Variants in AMDHD2 observed in about 807,000 individuals in gnomAD.
AMDHD2 encodes amidohydrolase domain containing 2.
Under a neutral mutation model 41.8 loss-of-function variants are expected in AMDHD2, and 24 were observed. The ratio of observed to expected loss-of-function variants is 0.57; its 90% CI spans 0.42 to 0.81. The LOEUF (loss-of-function observed/expected upper bound fraction) is 0.81, where lower values mean the gene tolerates loss of function less well. Among genes scored for constraint, AMDHD2 ranks in the 30% least tolerant of loss-of-function variants. AMDHD2 has a pLI of 0.00. For missense variants in AMDHD2, 540 were observed against 588.5 expected (o/e 0.92, Z 0.85); for synonymous variants, 332 against 255.5 (o/e 1.30, Z -2.85).
chr16:2,528,075 AC>A lies in AMDHD2; in HGVS notation c.646del (p.Leu216CysfsTer36), dbSNP rs2066028782. 2 of 1,612,844 alleles carry A rather than the reference AC, an allele frequency of 1.2e-6. No homozygotes were observed. The highest frequency in any genetic ancestry group is 8.5e-7 in the Non-Finnish European group (1 of 1,179,860). On this transcript the variant is annotated frameshift_variant, in exon 6 of 11. Transcript: ENST00000293971. LOFTEE classifies it high-confidence loss of function. ...ICVSLGHSVA[D>X]LRAAEDAVWS... is the part of the protein sequence containing the mutation. ...GGTCCCGCAGGGCACTCAGTGGCTG[AC>A]CTGCGGGCGGCAGAGGATGCTGTGT...
chr16:2,526,673 C>A (rs962884267), intron 3 of AMDHD2, among the ~76,000 whole-genome samples: 1 of 151,758 alleles, frequency 6.6e-6, no homozygotes, highest in Non-Finnish European at 1.5e-5. Context: ...CATGGTGGCT[C>A]ACGCCTGTAA....
chr16:2,520,639 G>A (rs1403418491), intron 1 of AMDHD2, 98 bp downstream of exon 1: 3 of 1,139,104 alleles, frequency 2.6e-6, no homozygotes, highest in Middle Eastern at 3.4e-4. Context: ...GCCGGGGACA[G>A]GGCGGGGTGC....
intron 3 of AMDHD2, among the ~76,000 whole-genome samples, chr16:2,521,660 G>A (rs1327408053): frequency 6.6e-6 from 1 of 151,448 alleles, no homozygotes; most frequent in Non-Finnish European, 1.5e-5. Context: ...AGGTTCTACA[G>A]GGTTAACTTT....
At position 2,520,795 on chromosome 16, in the gene AMDHD2, G is replaced by T. The variant is rs754498691; in HGVS notation, c.110G>T (p.Arg37Leu). 1.2e-6 allele frequency: 2 copies of T among 1,606,030 alleles called. No homozygotes were observed. The highest frequency in any genetic ancestry group is 1.1e-5 in the South Asian group (1 of 90,778). ...GAGGATCTGTGGGTGCGCGGAGGCCGCATCTTGGACCCAGAGAAGCTGTTC... is the reference window on the plus strand; with the variant it reads ...GAGGATCTGTGGGTGCGCGGAGGCCTCATCTTGGACCCAGAGAAGCTGTTC... ...LREDLWVRGGRILDPEKLFFE... is the reference protein window; with the variant it reads ...LREDLWVRGGLILDPEKLFFE... Residue 37 changes from arginine (R) to leucine (L), a missense_variant, in exon 2 of 11, where the codon CGC (arginine) becomes CTC (leucine). By Grantham distance (102) the Arg-to-Leu change is moderately radical. Transcript: ENST00000293971.
chr16:2,522,843 A>AC (rs906784998), intron 3 of AMDHD2, among the ~76,000 whole-genome samples: 1 of 141,946 alleles, frequency 7.0e-6, no homozygotes, highest in African/African-American at 2.8e-5. Context: ...TTAGTACTTA[A>AC]CTTTTTTTTT....
At position 2,527,424 on chromosome 16, in the gene AMDHD2, C is replaced by T; in HGVS notation, c.361-137C>T. 2.3e-6 allele frequency: 2 copies of T among 871,458 alleles called. No homozygotes were observed. The highest frequency in any genetic ancestry group is 1.8e-6 in the Non-Finnish European group (1 of 546,912). The allele number at this position is 871,458 out of a possible 1,614,324, so 54.0% of individuals were successfully genotyped here. On this transcript the variant is annotated intron_variant, in intron 3 of 10. Transcript: ENST00000293971. The surrounding 1 kb of genome is among the most constrained non-coding windows in gnomAD (Gnocchi z 6.1). ...CTGCCGGCTGTGCTTTCCCTGACCC[C>T]TGTGAGGGGACAGGCGGCCGGGGCT...
rs2066086446 is a variant in AMDHD2 at position 2,530,958 on chromosome 16, G to A, written c.*1395G>A. ...TGCCTGTGCTGGGCCTGGGAGAGGAGCTGTCTTGCCAGGGCTCCCAGGCAG... is the reference window on the plus strand; with the variant it reads ...TGCCTGTGCTGGGCCTGGGAGAGGAACTGTCTTGCCAGGGCTCCCAGGCAG... On this transcript the variant is annotated 3_prime_UTR_variant, in exon 11 of 11. Transcript: ENST00000293971. 1.2e-6 allele frequency: 2 copies of A among 1,613,522 alleles called. No individual in the cohort carries two copies. The highest frequency in any genetic ancestry group is 1.7e-6 in the Non-Finnish European group (2 of 1,179,956).
At position 2,520,660 on chromosome 16, in the gene AMDHD2, G is replaced by A. The variant is rs1388412666; in HGVS notation, c.84-109G>A. On this transcript the variant is annotated intron_variant, in intron 1 of 10. Coordinates refer to ENST00000293971, the MANE Select transcript of AMDHD2 (RefSeq NM_001330449.2). The stretch of plus-strand genomic sequence containing the variant: ...GACAGGGCGGGGTGCAGGGTGCGGG[G>A]CCGGGGACCGGGCGGGGTGCAGGGT... 1.2e-5 allele frequency: 15 copies of A among 1,292,098 alleles called. No homozygotes were observed. The African/African-American group carries it at 2.0e-4, about 17-fold the overall frequency. 80.0% of individuals were successfully genotyped at this position (1,292,098 alleles called of 1,614,324 possible).
Position 2,521,128 on chromosome 16 carries a change from G to C in AMDHD2, c.360+5G>C. The C allele has an allele frequency of 6.4e-7, 1 of 1,564,982 alleles. No homozygotes were observed. Among genetic ancestry groups the C allele is most frequent in the Non-Finnish European group, 8.7e-7 (1 of 1,149,148 alleles). On this transcript the variant is annotated splice_donor_5th_base_variant and intron_variant, in intron 3 of 10. Coordinates refer to ENST00000293971, the MANE Select transcript of AMDHD2 (RefSeq NM_001330449.2). ...CCACCGGAGGTTTATCACAAGGTGAGGTGAGGCTCCCTGGCTGAGGTGGAG... is the reference window on the plus strand; with the variant it reads ...CCACCGGAGGTTTATCACAAGGTGACGTGAGGCTCCCTGGCTGAGGTGGAG...
At chr16:2,526,092 C>T (rs1045807710) in intron 3 of AMDHD2, among the ~76,000 whole-genome samples, 1 of 152,206 alleles carries the variant, frequency 6.6e-6, no homozygotes, top group African/African-American at 2.4e-5. Flanking sequence ...GTGGTCTCTG[C>T]TTCCCTGCCT....
At chr16:2,521,305 T>G (rs946305665) in intron 3 of AMDHD2, among the ~76,000 whole-genome samples, 182 bp downstream of exon 3, 1 of 151,454 alleles carries the variant, frequency 6.6e-6, no homozygotes, top group African/African-American at 2.4e-5. Context: ...GTTGTCGCTC[T>G]GCCTGGCCTC....
chr16:2,525,631 G>A (rs111362761), intron 3 of AMDHD2, among the ~76,000 whole-genome samples: 2,933 of 152,196 alleles, frequency 0.019, 96 homozygotes, highest in African/African-American at 0.066. Flanking sequence ...TGCAAGCTCC[G>A]CCTCCCAGGT....
rs767820795 is a variant in AMDHD2, at chr16:2,529,987, G to T, written c.*424G>T. 2 of 739,274 alleles carry T rather than the reference G, an allele frequency of 2.7e-6. No homozygotes were observed. Among genetic ancestry groups the T allele is most frequent in the East Asian group, 2.8e-5 (1 of 36,266 alleles). The allele number at this position is 739,274 out of a possible 1,614,324, so 45.8% of individuals were successfully genotyped here. On this transcript the variant is annotated 3_prime_UTR_variant, in exon 11 of 11. Coordinates refer to ENST00000293971, the MANE Select transcript of AMDHD2 (RefSeq NM_001330449.2). ...GGGGTGAAGCCACCATGGGCTGGGGGTGAAGAGCCGGCAGGAAGGGGACCA... is the reference window on the plus strand; with the variant it reads ...GGGGTGAAGCCACCATGGGCTGGGGTTGAAGAGCCGGCAGGAAGGGGACCA...
rs766257150 is a variant in AMDHD2 at position 2,530,882 on chromosome 16, CA to C, written c.*1320del. On this transcript the variant is annotated 3_prime_UTR_variant, in exon 11 of 11. Coordinates refer to ENST00000293971, the MANE Select transcript of AMDHD2 (RefSeq NM_001330449.2). Reference sequence around the variant, plus strand: ...GAGAGGTGTGAGGTGCAGGGATACCCACCTCTGCCTTGACGGCCGCGCACCC... The same window carrying C: ...GAGAGGTGTGAGGTGCAGGGATACCCCCTCTGCCTTGACGGCCGCGCACCC... 3.7e-6 allele frequency: 6 copies of C among 1,613,630 alleles called. No homozygotes were observed. Among genetic ancestry groups the C allele is most frequent in the East Asian group, 2.2e-5 (1 of 44,882 alleles).
At chr16:2,528,831 C>T (rs2066045043) in intron 9 of AMDHD2, 113 bp downstream of exon 9, 3 of 1,551,206 alleles carry the variant, frequency 1.9e-6, no homozygotes, top group South Asian at 1.2e-5. Flanking sequence ...AGCTCCTGGG[C>T]ATTGGGTACT....
At position 2,526,759 on chromosome 16, in the gene AMDHD2, C is replaced by T. The variant is rs529848053; in HGVS notation, c.361-802C>T. ...TGGCCTGACCTACATGGTGAAACCC[C>T]GCCTCTACTAAAAATACAAAATTAG... is the stretch of plus-strand genomic sequence containing the variant. On this transcript the variant is annotated intron_variant, in intron 3 of 10. Transcript: ENST00000293971. 8.5e-5 allele frequency among the ~76,000 whole-genome samples: 13 copies of T among 152,122 alleles called. No homozygotes were observed. In the South Asian group the frequency reaches 1.9e-3, roughly 22 times the overall value.
At chr16:2,522,753 G>C (rs1217748009) in intron 3 of AMDHD2, among the ~76,000 whole-genome samples, 1 of 151,984 alleles carries the variant, frequency 6.6e-6, no homozygotes, top group South Asian at 2.1e-4. Context: ...AGGCTCAGGA[G>C]ATCTACTGCC....
chr16:2,528,220 C>T lies in AMDHD2; in HGVS notation c.718-16C>T, dbSNP rs200910956. Reference sequence around the variant, plus strand: ...CCTGCTGTCGCTCAGCCATCCCTTCCCTCGCCCCTGCCCAGTTCCACCACC... The same window carrying T: ...CCTGCTGTCGCTCAGCCATCCCTTCTCTCGCCCCTGCCCAGTTCCACCACC... On this transcript the variant is annotated splice_polypyrimidine_tract_variant and intron_variant, in intron 6 of 10. Transcript: ENST00000293971. 80 of 1,611,966 alleles carry T rather than the reference C, an allele frequency of 5.0e-5. No homozygotes were observed. The East Asian group carries it at 1.1e-3, about 22-fold the overall frequency.
At chr16:2,522,282 G>C (rs2065951033) in intron 3 of AMDHD2, among the ~76,000 whole-genome samples, 1 of 152,264 alleles carries the variant, frequency 6.6e-6, no homozygotes, top group African/African-American at 2.4e-5. Flanking sequence ...AAGTCTCACT[G>C]TGTTGCCCAG....
Sources: gnomAD v4.1 joint callset for allele counts (sites outside exome capture counted in the v4.1 genomes callset) on GRCh38, gnomAD v4.1.1 for gene constraint, Gnocchi (gnomAD v3.1) non-coding constraint, MANE v1.5 for transcripts, NCBI Gene and HGNC (gene_info 2026-07-23, HGNC 2026-07-21) for gene names.